Variants in DIP2C observed in about 807,000 individuals in gnomAD.
DIP2C encodes the protein disco-interacting protein 2 homolog C.
In DIP2C, 33 loss-of-function variants were observed where a neutral mutation model predicts 192.4. The observed-to-expected ratio is 0.17, with a 90% CI of 0.13 to 0.23. DIP2C has a LOEUF of 0.23. Among genes scored for constraint, DIP2C ranks in the 10% least tolerant of loss-of-function variants. The pLI, the probability that DIP2C is intolerant of heterozygous loss-of-function variation, is 1.00. For missense variants in DIP2C, 1,537 were observed against 2,110.1 expected (o/e 0.73, Z 5.32); for synonymous variants, 979 against 864.1 (o/e 1.13, Z -2.33).
intron 17 of DIP2C, among the ~76,000 whole-genome samples, chr10:379,211 CCT>C (rs917632300): frequency 7.4e-6 from 1 of 135,540 alleles, no homozygotes; most frequent in Non-Finnish European, 1.6e-5. Context: ...CCCCACAACC[CCT>C]GACAGCTGCT....
intron 8 of DIP2C, among the ~76,000 whole-genome samples, chr10:411,781 CATCGT>C (rs1965205744): frequency 6.6e-6 from 1 of 152,236 alleles, no homozygotes; most frequent in African/African-American, 2.4e-5. Flanking sequence ...GTTTCTGACT[CATCGT>C]AGCAACACCC....
intron 1 of DIP2C, among the ~76,000 whole-genome samples, chr10:568,290 T>TC (rs1849563832): frequency 6.6e-6 from 1 of 152,308 alleles, no homozygotes; most frequent in African/African-American, 2.4e-5. Context: ...CAGTGCTTTC[T>TC]CCTTGCAAAT....
intron 3 of DIP2C, among the ~76,000 whole-genome samples, chr10:457,114 A>T (rs1195201384): frequency 6.6e-6 from 1 of 152,096 alleles, no homozygotes; most frequent in Non-Finnish European, 1.5e-5. Flanking sequence ...ATCTAGGAGG[A>T]GTTGCTTATT....
chr10:313,707 T>C (rs996625349), intron 31 of DIP2C, among the ~76,000 whole-genome samples: 6 of 152,136 alleles, frequency 3.9e-5, no homozygotes, highest in Non-Finnish European at 2.9e-5. Context: ...TGTCCCCCAT[T>C]GAGGGACAAA....
At chr10:506,454 C>T (rs1845600658) in intron 1 of DIP2C, among the ~76,000 whole-genome samples, 1 of 152,140 alleles carries the variant, frequency 6.6e-6, no homozygotes, top group African/African-American at 2.4e-5. Flanking sequence ...TTCAACTGTC[C>T]ATGTGGCTCC....
chr10:336,042 C>T (rs1034573292), intron 29 of DIP2C, among the ~76,000 whole-genome samples: 3 of 151,992 alleles, frequency 2.0e-5, no homozygotes, highest in Non-Finnish European at 2.9e-5. Flanking sequence ...GGACCACAGG[C>T]GCACACCACT....
chr10:557,413 A>AG (rs1411384480), intron 1 of DIP2C, among the ~76,000 whole-genome samples: 1 of 151,578 alleles, frequency 6.6e-6, no homozygotes, highest in African/African-American at 2.4e-5. Context: ...TTAAGCCACT[A>AG]GGTTTTGGAG....
chr10:638,663 C>T (rs1159289315), intron 1 of DIP2C, among the ~76,000 whole-genome samples: 1 of 152,178 alleles, frequency 6.6e-6, no homozygotes, highest in Non-Finnish European at 1.5e-5. Flanking sequence ...AAGTTCCTTC[C>T]CCTCTCCCCT....
Position 495,133 on chromosome 10 carries a change from C to A in DIP2C, c.86-8603G>T, listed in dbSNP as rs545769367. Among the ~76,000 whole-genome samples the A allele has an allele frequency of 7.2e-5, 11 of 152,236 alleles. 1 individual carries two copies. The highest frequency in any genetic ancestry group is 2.4e-4 in the African/African-American group (10 of 41,542). ...GTGAAATAAAACAGGCACAGAAATA[C>A]AAATACTGCATGATCTCACTTACAT... On this transcript the variant is annotated intron_variant, in intron 1 of 36. Coordinates refer to ENST00000280886, the MANE Select transcript of DIP2C (RefSeq NM_014974.3).
At chr10:603,320 A>C (rs1214330801) in intron 1 of DIP2C, among the ~76,000 whole-genome samples, 2 of 139,300 alleles carry the variant, frequency 1.4e-5, no homozygotes, top group Non-Finnish European at 3.1e-5. Flanking sequence ...AAAAAAAAAA[A>C]AAAAAAAAAA....
intron 31 of DIP2C, among the ~76,000 whole-genome samples, chr10:315,919 A>C (rs1956756603): frequency 6.6e-6 from 1 of 152,162 alleles, no homozygotes; most frequent in Non-Finnish European, 1.5e-5. Flanking sequence ...TCATTCAATG[A>C]GTCTTTCCTC....
intron 28 of DIP2C, 91 bp downstream of exon 28, chr10:344,718 C>T (rs1035146007): frequency 1.4e-5 from 15 of 1,058,626 alleles, no homozygotes; most frequent in African/African-American, 3.1e-5. Flanking sequence ...TCTGACTACA[C>T]GAGAGGCGCT....
chr10:470,461 AGAGGT>A (rs570999522), intron 3 of DIP2C, among the ~76,000 whole-genome samples: 8 of 152,264 alleles, frequency 5.3e-5, no homozygotes, highest in African/African-American at 1.7e-4. Flanking sequence ...CTGCCTTTGA[AGAGGT>A]GAGGTAAGGT....
intron 1 of DIP2C, among the ~76,000 whole-genome samples, chr10:598,458 C>T (rs1471264118): frequency 6.6e-6 from 1 of 152,248 alleles, no homozygotes; most frequent in African/African-American, 2.4e-5. Context: ...TCATCACATG[C>T]ATTTCCTGTG....
At chr10:602,507 T>C (rs1183752741) in intron 1 of DIP2C, among the ~76,000 whole-genome samples, 1 of 152,160 alleles carries the variant, frequency 6.6e-6, no homozygotes, top group Non-Finnish European at 1.5e-5. Flanking sequence ...TTGGTGTCCT[T>C]GTTGGAAGGC....
At chr10:334,548 A>AT (rs1477369572) in intron 29 of DIP2C, among the ~76,000 whole-genome samples, 1 of 152,136 alleles carries the variant, frequency 6.6e-6, no homozygotes, top group African/African-American at 2.4e-5. Flanking sequence ...GTTTTCTAAA[A>AT]TTTTTATAAT....
chr10:580,286 A>AT (rs1193429386), intron 1 of DIP2C, among the ~76,000 whole-genome samples: 7 of 152,204 alleles, frequency 4.6e-5, no homozygotes, highest in Admixed American at 2.0e-4. Context: ...GTATGTACAT[A>AT]TGCAGCATGC....
At chr10:681,081 T>A (rs150556694) in intron 1 of DIP2C, among the ~76,000 whole-genome samples, 2 of 148,732 alleles carry the variant, frequency 1.3e-5, no homozygotes, top group East Asian at 4.0e-4. Context: ...CAGGCCCCAG[T>A]TGCATGGTAC....
intron 24 of DIP2C, among the ~76,000 whole-genome samples, chr10:354,653 CTG>C (rs1345044110): frequency 6.6e-6 from 1 of 152,112 alleles, no homozygotes; most frequent in Non-Finnish European, 1.5e-5. Flanking sequence ...TTCAGGGAGA[CTG>C]AGAGCTGACT....
Sources: allele counts gnomAD v4.1 joint callset (sites outside exome capture counted in the v4.1 genomes callset), GRCh38; gene constraint gnomAD v4.1.1; transcripts MANE v1.5; gene names NCBI Gene and HGNC (gene_info 2026-07-23, HGNC 2026-07-21).